The following TM9SF3 variants were observed in gnomAD, a reference collection of about 807,000 sequenced individuals.
TM9SF3 encodes SM-11044-binding protein.
TM9SF3 carries 14 observed loss-of-function variants against 78.6 expected under a neutral mutation model. The observed-to-expected ratio is 0.18, with a 90% CI of 0.12 to 0.28. The LOEUF is 0.28. TM9SF3 is among the 10% of genes least tolerant of loss of function. The pLI, the probability that TM9SF3 is intolerant of heterozygous loss-of-function variation, is 1.00. For missense variants in TM9SF3, 496 were observed against 721.9 expected (o/e 0.69, Z 3.59); for synonymous variants, 231 against 241.7 (o/e 0.96, Z 0.41).
intron 1 of TM9SF3, chr10:96,577,583 A>G (rs1179960903): frequency 1.3e-5 from 2 of 152,236 alleles, no homozygotes; most frequent in South Asian, 2.1e-4. Flanking sequence ...TAAAGTTCCA[A>G]TGATTCTATG....
At chr10:96,543,196 C>T (rs192244457) in intron 9 of TM9SF3, among the ~76,000 whole-genome samples, 1 of 152,092 alleles carries the variant, frequency 6.6e-6, no homozygotes, top group Non-Finnish European at 1.5e-5. Context: ...AATTGGGAGA[C>T]CGTGGGTTAA....
chr10:96,549,813 ATT>A (rs370912860), intron 7 of TM9SF3, among the ~76,000 whole-genome samples: 26,711 of 72,868 alleles, frequency 0.37, 3,006 homozygotes, highest in Admixed American at 0.5. Context: ...GAGCTTCTGC[ATT>A]TTAAAAAAAA....
Position 96,520,776 on chromosome 10 carries a change from G to A in TM9SF3, c.*1487C>T. 5.1e-6 allele frequency: 2 copies of A among 394,750 alleles called. No homozygotes were observed. The highest frequency in any genetic ancestry group is 9.0e-6 in the Non-Finnish European group (2 of 223,106). 24.5% of individuals were successfully genotyped at this position (394,750 alleles called of 1,614,324 possible). A position where few individuals can be genotyped will look rare whatever the true frequency, so the allele number is the denominator to read the frequency against. ...GTACACCAACCTGAACAGATTTTGT[G>A]CCACAATTTCATTCAAAGGGTTTGT... On this transcript the variant is annotated 3_prime_UTR_variant, in exon 15 of 15. Transcript: ENST00000371142.
At position 96,519,019 on chromosome 10, in the gene TM9SF3, C is replaced by T. The variant is rs1470391453; in HGVS notation, c.*3244G>A. 6.6e-6 allele frequency: 1 copy of T among 152,050 alleles called. No homozygotes were observed. The highest frequency in any genetic ancestry group is 1.5e-5 in the Non-Finnish European group (1 of 67,928). 9.4% of individuals were successfully genotyped at this position (152,050 alleles called of 1,614,324 possible). A position where few individuals can be genotyped will look rare whatever the true frequency, so the allele number is the denominator to read the frequency against. On this transcript the variant is annotated 3_prime_UTR_variant, in exon 15 of 15. Transcript: ENST00000371142. ...CCAGATGGAACTGCCATATAGATTA[C>T]AAATGGGTCTCCCCACCACAGAATT...
chr10:96,523,056 C>G (rs1847797703), intron 14 of TM9SF3, among the ~76,000 whole-genome samples: 1 of 151,814 alleles, frequency 6.6e-6, no homozygotes, highest in Non-Finnish European at 1.5e-5. Flanking sequence ...ATATAAGATA[C>G]TTGGTAAATA....
At chr10:96,538,395 T>C (rs1847984006) in intron 9 of TM9SF3, among the ~76,000 whole-genome samples, 1 of 151,970 alleles carries the variant, frequency 6.6e-6, no homozygotes, top group Admixed American at 6.6e-5. Context: ...AAATGGATCC[T>C]AGACCTAAAT....
Position 96,569,057 on chromosome 10 carries a change from G to A in TM9SF3, c.299-3631C>T, listed in dbSNP as rs190126761. On this transcript the variant is annotated intron_variant, in intron 2 of 14. Coordinates refer to ENST00000371142, the MANE Select transcript of TM9SF3 (RefSeq NM_020123.4). Reference sequence around the variant, plus strand: ...AGAAAAATTAGCCAGGCATGGTGGTGTGTGCCTATAGTTCCAGCTACTCAG... The same window carrying A: ...AGAAAAATTAGCCAGGCATGGTGGTATGTGCCTATAGTTCCAGCTACTCAG... Among the ~76,000 whole-genome samples, 306 of 152,274 alleles carry A rather than the reference G, an allele frequency of 2.0e-3. 1 individual carries two copies. Among genetic ancestry groups the A allele is most frequent in the African/African-American group, 6.2e-3 (256 of 41,550 alleles).
intron 2 of TM9SF3, among the ~76,000 whole-genome samples, chr10:96,575,475 G>T (rs1452053737): frequency 6.7e-6 from 1 of 150,218 alleles, no homozygotes. Flanking sequence ...ATGGGGAGGG[G>T]GGAGAATGTA....
Position 96,549,816 on chromosome 10 carries a change from T to TAAAAA in TM9SF3, c.959+1428_959+1429insTTTTT, listed in dbSNP as rs370197060. Among the ~76,000 whole-genome samples, 15 of 121,806 alleles carry TAAAAA rather than the reference T, an allele frequency of 1.2e-4. 1 individual carries two copies. In the South Asian group the frequency reaches 3.2e-3, roughly 26 times the overall value. 79.9% of individuals were successfully genotyped at this position (121,806 alleles called of 152,430 possible). A position where few individuals can be genotyped will look rare whatever the true frequency, so the allele number is the denominator to read the frequency against. ...CTTTAAGTAGAAGAGCTTCTGCATT[T>TAAAAA]TAAAAAAAAAAAAAAAAAAAGAGCT... On this transcript the variant is annotated intron_variant, in intron 7 of 14. Transcript: ENST00000371142.
At chr10:96,545,151 A>G (rs1343162328) in intron 8 of TM9SF3, among the ~76,000 whole-genome samples, 2 of 152,206 alleles carry the variant, frequency 1.3e-5, no homozygotes, top group Non-Finnish European at 2.9e-5. Flanking sequence ...CCAGAAGAGC[A>G]ACAGAGAGCT....
At chr10:96,579,358 A>G (rs376598308) in intron 1 of TM9SF3, among the ~76,000 whole-genome samples, 5 of 152,330 alleles carry the variant, frequency 3.3e-5, no homozygotes, top group South Asian at 4.1e-4. Flanking sequence ...TATAAATGTA[A>G]CTTGTGAAAA....
At chr10:96,585,717 TAA>T (rs1423797055) in intron 1 of TM9SF3, among the ~76,000 whole-genome samples, 4 of 152,220 alleles carry the variant, frequency 2.6e-5, no homozygotes, top group African/African-American at 4.8e-5. Context: ...AGAAATGACA[TAA>T]GACTCCCTCA....
intron 10 of TM9SF3, among the ~76,000 whole-genome samples, chr10:96,531,585 AG>A (rs1847894007): frequency 6.6e-6 from 1 of 152,234 alleles, no homozygotes; most frequent in African/African-American, 2.4e-5. Context: ...CATTTAATGT[AG>A]TCTTCTTTCC....
At chr10:96,559,398 G>A (rs1328338391) in intron 5 of TM9SF3, among the ~76,000 whole-genome samples, 2 of 140,908 alleles carry the variant, frequency 1.4e-5, no homozygotes, top group South Asian at 2.4e-4. Context: ...CCTTATTAGT[G>A]ATATTTTGGC....
At chr10:96,569,042 G>C (rs1038184453) in intron 2 of TM9SF3, among the ~76,000 whole-genome samples, 1 of 152,092 alleles carries the variant, frequency 6.6e-6, no homozygotes, top group African/African-American at 2.4e-5. Context: ...AGAAAAATTA[G>C]CCAGGCATGG....
chr10:96,558,138 G>C (rs543774139), intron 5 of TM9SF3, among the ~76,000 whole-genome samples: 1 of 152,274 alleles, frequency 6.6e-6, no homozygotes, highest in African/African-American at 2.4e-5. Context: ...CTAGAATCAA[G>C]GCAGACCTAA....
intron 9 of TM9SF3, among the ~76,000 whole-genome samples, 156 bp from the exon 10 acceptor site, chr10:96,533,346 AAAAGGTGTGCTTT>A (rs1482618470): frequency 6.6e-6 from 1 of 152,228 alleles, no homozygotes; most frequent in Non-Finnish European, 1.5e-5. Flanking sequence ...AATGAAAACA[AAAAGGTGTGCTTT>A]AAAGTATTAG....
intron 2 of TM9SF3, among the ~76,000 whole-genome samples, chr10:96,573,609 A>C (rs1392329944): frequency 6.6e-6 from 1 of 152,056 alleles, no homozygotes; most frequent in Non-Finnish European, 1.5e-5. Flanking sequence ...AATAAATCCC[A>C]CTTCTTTACC....
chr10:96,545,269 C>T (rs1333162428), intron 8 of TM9SF3, among the ~76,000 whole-genome samples: 2 of 152,134 alleles, frequency 1.3e-5, no homozygotes, highest in Non-Finnish European at 2.9e-5. Flanking sequence ...GCAACAGGGA[C>T]CCAAACAGAA....
Sources: gnomAD v4.1 joint callset for allele counts (sites outside exome capture counted in the v4.1 genomes callset) on GRCh38, gnomAD v4.1.1 for gene constraint, MANE v1.5 for transcripts, NCBI Gene and HGNC (gene_info 2026-07-23, HGNC 2026-07-21) for gene names.